CEP350: variants seen among roughly 807,000 people sequenced by gnomAD.
CEP350 encodes centrosome-associated protein 350.
A neutral mutation model predicts 331.8 loss-of-function variants in CEP350; 126 were observed. The ratio of observed to expected loss-of-function variants is 0.38; its 90% CI spans 0.33 to 0.44. CEP350 has a LOEUF of 0.44. Among genes scored for constraint, CEP350 ranks in the 20% least tolerant of loss-of-function variants. The probability of loss-of-function intolerance (pLI) is 1.00; values close to 1 mark genes in which losing one functional copy is unlikely to be tolerated. For missense variants in CEP350, 3,406 were observed against 3,634.6 expected (o/e 0.94, Z 1.62); for synonymous variants, 1,200 against 1,259.5 (o/e 0.95, Z 1.00).
In CEP350 at chr1:180,094,756, G is replaced by A. The variant is rs1051120559; in HGVS notation, c.8511+140G>A. On this transcript the variant is annotated intron_variant, in intron 34 of 37. Coordinates refer to ENST00000367607, the MANE Select transcript of CEP350 (RefSeq NM_014810.5). ...CCTTGACGTGTTGTTTATTAGAGAAGGATCACTGTACTGGTTTTTAAAGGC... is the reference window on the plus strand; with the variant it reads ...CCTTGACGTGTTGTTTATTAGAGAAAGATCACTGTACTGGTTTTTAAAGGC... The A allele has an allele frequency of 1.3e-5, 12 of 928,348 alleles. No individual in the cohort carries two copies. The African/African-American group carries it at 2.0e-4, about 16-fold the overall frequency. The allele number at this position is 928,348 out of a possible 1,614,324, so 57.5% of individuals were successfully genotyped here.
intron 26 of CEP350, among the ~76,000 whole-genome samples, chr1:180,063,918 G>GA (rs913317254): frequency 6.6e-6 from 1 of 152,064 alleles, no homozygotes; most frequent in Non-Finnish European, 1.5e-5. Flanking sequence ...TTTAAATTTT[G>GA]AAAAAATCTC....
chr1:179,983,330 G>C (rs574357402), intron 1 of CEP350, among the ~76,000 whole-genome samples: 1 of 151,920 alleles, frequency 6.6e-6, no homozygotes, highest in African/African-American at 2.4e-5. Context: ...TGCCTCCTGG[G>C]TTCAAGCAAT....
chr1:180,095,757 G>A lies in CEP350; in HGVS notation c.8746G>A (p.Val2916Ile). 1.2e-6 allele frequency: 2 copies of A among 1,613,980 alleles called. No individual in the cohort carries two copies. The highest frequency in any genetic ancestry group is 2.2e-5 in the East Asian group (1 of 44,886). Residue 2916 changes from valine (V) to isoleucine (I), a missense_variant, in exon 35 of 38, where the codon GTC becomes ATC. This residue lies in a region of CEP350 where 1,415 missense variants were observed against 1,512.3 expected (regional missense o/e 0.94). Transcript: ENST00000367607. ...TQQPCETLLA[V>I]PHTAEEVEIL... ...ACAACCATGTGAAACATTATTGGCA[G>A]TCCCCCATACTGCAGAAGAAGTAGA...
At chr1:179,974,157 G>T (rs2148611873) in intron 1 of CEP350, among the ~76,000 whole-genome samples, 1 of 151,930 alleles carries the variant, frequency 6.6e-6, no homozygotes, top group East Asian at 1.9e-4. Flanking sequence ...TCGGCTCACT[G>T]CAAGCTCTGC....
intron 1 of CEP350, among the ~76,000 whole-genome samples, chr1:179,978,001 T>C (rs1652001676): frequency 6.6e-6 from 1 of 151,320 alleles, no homozygotes; most frequent in Non-Finnish European, 1.5e-5. Context: ...ATTTTTATTT[T>C]TAGTAAATAG....
Position 180,078,578 on chromosome 1 carries a change from A to C in CEP350, c.5883A>C (p.Ile1961=), listed in dbSNP as rs147754473. ...TTGAATATGTACCATCCGAGTCTAT[A>C]GGACAGGAGCAGCCAGGGAGTCCAG... ...PAVEYVPSES[I]GQEQPGSPDH... Residue 1961 remains isoleucine, a synonymous_variant, in exon 29 of 38, where the codon ATA becomes ATC. Transcript: ENST00000367607. 6.2e-7 allele frequency: 1 copy of C among 1,613,518 alleles called. No individual in the cohort carries two copies. Among genetic ancestry groups the C allele is most frequent in the African/African-American group, 1.3e-5 (1 of 74,930 alleles).
chr1:180,012,824 G>A (rs185117740), intron 9 of CEP350, among the ~76,000 whole-genome samples: 9 of 152,194 alleles, frequency 5.9e-5, no homozygotes, highest in East Asian at 1.9e-4. Flanking sequence ...TTGTAAATAC[G>A]CTCATGTGTA....
At chr1:180,053,626 C>T (rs2148970423) in intron 23 of CEP350, 124 bp from the exon 24 acceptor site, 2 of 542,926 alleles carry the variant, frequency 3.7e-6, no homozygotes, top group South Asian at 9.4e-5. Context: ...AAAGAATATA[C>T]TCTTACATTG....
chr1:179,985,516 T>C (rs1462328182), intron 1 of CEP350, among the ~76,000 whole-genome samples: 1 of 152,210 alleles, frequency 6.6e-6, no homozygotes, highest in Non-Finnish European at 1.5e-5. Flanking sequence ...ACTGTATTAG[T>C]CCATTCTTAC....
chr1:179,995,660 A>T (rs191348228), intron 5 of CEP350, among the ~76,000 whole-genome samples: 1 of 152,216 alleles, frequency 6.6e-6, no homozygotes, highest in African/African-American at 2.4e-5. Context: ...CATGTAAAAT[A>T]AAAATAGTCT....
chr1:180,078,675 G>GT lies in CEP350; in HGVS notation c.5979+2dup. Reference sequence around the variant, plus strand: ...ATCTTCTACCTCTCCTAGTAAACATGTAAGTTAATGTATATTTATATCTTA... The same window carrying GT: ...ATCTTCTACCTCTCCTAGTAAACATGTTAAGTTAATGTATATTTATATCTTA... On this transcript the variant is annotated splice_donor_variant, in intron 29 of 37. Transcript: ENST00000367607. LOFTEE classifies it high-confidence loss of function. 2 of 1,587,770 alleles carry GT rather than the reference G, an allele frequency of 1.3e-6. No individual in the cohort carries two copies. Among genetic ancestry groups the GT allele is most frequent in the Non-Finnish European group, 1.7e-6 (2 of 1,166,338 alleles).
chr1:180,107,201 A>G (rs1023748807), intron 37 of CEP350, among the ~76,000 whole-genome samples: 1 of 152,204 alleles, frequency 6.6e-6, no homozygotes, highest in African/African-American at 2.4e-5. Flanking sequence ...TCATAAATAA[A>G]AAGAAATGGC....
rs148839351 is a variant in CEP350, at chr1:179,986,334, T to G, written c.73+80T>G. On this transcript the variant is annotated intron_variant, in intron 2 of 37. Coordinates refer to ENST00000367607, the MANE Select transcript of CEP350 (RefSeq NM_014810.5). ...TAAATTTTGGTCTAATAAATGAAAA[T>G]TATACCTATGCTTTGATTTATAGAA... 4,771 of 859,574 alleles carry G rather than the reference T, an allele frequency of 5.6e-3. 24 individuals carry two copies. Among genetic ancestry groups the G allele is most frequent in the Middle Eastern group, 0.025 (72 of 2,852 alleles). The allele number at this position is 859,574 out of a possible 1,614,324, so 53.2% of individuals were successfully genotyped here.
intron 5 of CEP350, among the ~76,000 whole-genome samples, chr1:179,995,759 C>T (rs1157562055): frequency 1.3e-5 from 2 of 152,164 alleles, no homozygotes; most frequent in Non-Finnish European, 2.9e-5. Flanking sequence ...TCTGTGCTTA[C>T]TCCTGATTTT....
intron 28 of CEP350, among the ~76,000 whole-genome samples, chr1:180,076,738 A>T (rs1427520468): frequency 6.6e-6 from 1 of 152,142 alleles, no homozygotes; most frequent in Non-Finnish European, 1.5e-5. Context: ...ACAGTGAGCT[A>T]AGATCATACC....
intron 1 of CEP350, among the ~76,000 whole-genome samples, chr1:179,959,599 A>G (rs926409737): frequency 2.6e-5 from 4 of 151,968 alleles, no homozygotes; most frequent in Non-Finnish European, 4.4e-5. Flanking sequence ...TACTAAAAGT[A>G]AAAAACTAGC....
chr1:180,099,910 C>T (rs1660705172), intron 37 of CEP350, among the ~76,000 whole-genome samples: 2 of 152,006 alleles, frequency 1.3e-5, no homozygotes, highest in Admixed American at 6.5e-5. Context: ...CTCAACCTCC[C>T]GAGTAGCTGG....
chr1:180,050,770 A>G (rs1462559969), intron 22 of CEP350, among the ~76,000 whole-genome samples: 1 of 152,202 alleles, frequency 6.6e-6, no homozygotes, highest in Non-Finnish European at 1.5e-5. Context: ...CATTGAAGAA[A>G]ATATGCAGAT....
chr1:180,077,673 A>T (rs1659315197), intron 28 of CEP350, among the ~76,000 whole-genome samples: 1 of 148,564 alleles, frequency 6.7e-6, no homozygotes, highest in Non-Finnish European at 1.5e-5. Context: ...TCAAAAAGTA[A>T]AAAAAAAAAA....
Sources: gnomAD v4.1 joint callset for allele counts (sites outside exome capture counted in the v4.1 genomes callset) on GRCh38, gnomAD v4.1.1 for gene constraint, gnomAD v4.1.1 regional missense constraint, MANE v1.5 for transcripts, NCBI Gene and HGNC (gene_info 2026-07-23, HGNC 2026-07-21) for gene names.